Variants in ATRX observed in about 807,000 individuals in gnomAD.
ATRX encodes ATRX chromatin remodeler.
Under a neutral mutation model 172.6 loss-of-function variants are expected in ATRX, and 12 were observed. That is an observed-to-expected ratio of 0.07 (90% confidence interval 0.04 to 0.11). ATRX has a LOEUF of 0.11. Ranked by LOEUF, ATRX falls within the 10% of genes least tolerant of loss-of-function variation. The pLI, the probability that ATRX is intolerant of heterozygous loss-of-function variation, is 1.00. For synonymous variants in ATRX, 674 were observed against 594.7 expected, an observed-to-expected ratio of 1.13 and a Z score of -1.94; for missense variants, 1,368 against 1,767.4, an observed-to-expected ratio of 0.77 and a Z score of 4.05.
At chrX:77,650,877 C>A (rs782041798) in intron 15 of ATRX, among the ~76,000 whole-genome samples, 3 of 111,905 alleles carry the variant, frequency 2.7e-5, no homozygotes, top group Non-Finnish European at 5.6e-5. Context: ...CGTGAGCCAC[C>A]GCGCCAGGCC....
At chrX:77,662,427 T>C (rs183734024) in intron 12 of ATRX, among the ~76,000 whole-genome samples, 84 of 112,153 alleles carry the variant, frequency 7.5e-4, no homozygotes, top group African/African-American at 2.7e-3. Context: ...TTAATTTCAT[T>C]TTCTACCCTT....
chrX:77,518,989 C>A (rs1557040206), intron 34 of ATRX, among the ~76,000 whole-genome samples: 2 of 112,023 alleles, frequency 1.8e-5, no homozygotes, highest in East Asian at 5.6e-4. Context: ...TTGCCATATA[C>A]AACATTCAAA....
intron 18 of ATRX, 88 bp downstream of exon 18, chrX:77,633,478 C>T (rs2068204015): frequency 2.7e-6 from 3 of 1,114,502 alleles, no homozygotes; most frequent in South Asian, 2.1e-5. Context: ...GGTTAAAAAA[C>T]ATTAAAAATT....
At chrX:77,512,933 T>G (rs781892869) in intron 34 of ATRX, among the ~76,000 whole-genome samples, 86 of 109,720 alleles carry the variant, frequency 7.8e-4, no homozygotes, top group Middle Eastern at 4.8e-3. Flanking sequence ...ACTAAAAGGA[T>G]GATAGGAAGA....
intron 34 of ATRX, among the ~76,000 whole-genome samples, chrX:77,512,443 CTTGT>C (rs2062901365): frequency 8.9e-6 from 1 of 112,688 alleles, no homozygotes; most frequent in South Asian, 3.6e-4. Flanking sequence ...TTTCTCTTTG[CTTGT>C]TTGTTACTTT....
intron 22 of ATRX, among the ~76,000 whole-genome samples, chrX:77,603,331 A>T (rs1183898027): frequency 1.8e-5 from 2 of 110,406 alleles, no homozygotes; most frequent in Non-Finnish European, 1.9e-5. Context: ...GAATCTGTAG[A>T]TTGCTTTGGG....
At chrX:77,727,102 G>C (rs1557173525) in intron 1 of ATRX, among the ~76,000 whole-genome samples, 1 of 111,535 alleles carries the variant, frequency 9.0e-6, no homozygotes, top group Non-Finnish European at 1.9e-5. Context: ...CTGGTCATTA[G>C]AGAAATGCAA....
intron 2 of ATRX, among the ~76,000 whole-genome samples, chrX:77,706,236 G>A (rs782771825): frequency 1.2e-4 from 13 of 107,825 alleles, no homozygotes; most frequent in Non-Finnish European, 1.7e-4. Flanking sequence ...CTCCCACCTC[G>A]GCCTCCCAAA....
chrX:77,656,438 C>T (rs1403262838), intron 13 of ATRX, 122 bp downstream of exon 13: 1 of 539,493 alleles, frequency 1.9e-6, no homozygotes, highest in Non-Finnish European at 3.2e-6. Context: ...CAATTAGTTT[C>T]AAATCAAAAT....
At chrX:77,715,874 C>G (rs1014165578) in intron 2 of ATRX, among the ~76,000 whole-genome samples, 1 of 110,953 alleles carries the variant, frequency 9.0e-6, no homozygotes, top group Non-Finnish European at 1.9e-5. Flanking sequence ...CTATAACTCT[C>G]TTATACTTTT....
At chrX:77,626,173 G>C (rs955111842) in intron 19 of ATRX, among the ~76,000 whole-genome samples, 1 of 102,631 alleles carries the variant, frequency 9.7e-6, no homozygotes, top group Non-Finnish European at 2.0e-5. Context: ...TCTAAGTGAA[G>C]TAACTCAGGA....
intron 1 of ATRX, among the ~76,000 whole-genome samples, chrX:77,741,447 G>GT (rs2148848565): frequency 9.3e-6 from 1 of 107,758 alleles, no homozygotes; most frequent in African/African-American, 3.4e-5. Context: ...TTTTGGGGGG[G>GT]GGATTGCTTC....
intron 1 of ATRX, among the ~76,000 whole-genome samples, chrX:77,779,437 G>C (rs1557204558): frequency 4.5e-5 from 5 of 110,994 alleles, no homozygotes; most frequent in Non-Finnish European, 9.4e-5. Flanking sequence ...ACTAATAGCT[G>C]TCTGGACTGC....
chrX:77,533,060 T>C (rs1569518178), intron 30 of ATRX, among the ~76,000 whole-genome samples: 1 of 112,164 alleles, frequency 8.9e-6, no homozygotes, highest in Non-Finnish European at 1.9e-5. Flanking sequence ...CACTGATCGT[T>C]AGAGAAATGC....
intron 1 of ATRX, among the ~76,000 whole-genome samples, chrX:77,718,838 ACTCACTGAGGTCT>A (rs1344278481): frequency 9.0e-6 from 1 of 111,154 alleles, no homozygotes; most frequent in Admixed American, 9.6e-5. Context: ...CGTGACCTTG[ACTCACTGAGGTCT>A]CAAAACTCTT....
At chrX:77,766,472 T>A (rs1603333735) in intron 1 of ATRX, among the ~76,000 whole-genome samples, 1 of 102,430 alleles carries the variant, frequency 9.8e-6, no homozygotes, top group Non-Finnish European at 2.0e-5. Context: ...GACGAGGCGG[T>A]TGCCACGCAG....
chrX:77,762,137 CA>C (rs1412608745), intron 1 of ATRX, among the ~76,000 whole-genome samples: 1 of 108,617 alleles, frequency 9.2e-6, no homozygotes, highest in African/African-American at 3.4e-5. Context: ...CCCATCTCTA[CA>C]AAAAATACAA....
At chrX:77,511,060 CCT>C (rs1557036343) in intron 34 of ATRX, among the ~76,000 whole-genome samples, 3 of 112,582 alleles carry the variant, frequency 2.7e-5, no homozygotes, top group African/African-American at 9.7e-5. Context: ...GCTTGTGTCA[CCT>C]CTCCACCAGC....
At position 77,601,103 on chromosome X, in the gene ATRX, T is replaced by C. The variant is rs45442802; in HGVS notation, c.5567-539A>G. On this transcript the variant is annotated intron_variant, in intron 22 of 34. Transcript: ENST00000373344. ...CCATGGACCCTAGATTACAAACTCC[T>C]GTTATAAATAAACTTTGCTCCATGC... Among the ~76,000 whole-genome samples, 904 of 111,385 alleles carry C rather than the reference T, an allele frequency of 8.1e-3. 15 individuals are homozygous for C. The highest frequency in any genetic ancestry group is 0.028 in the African/African-American group (869 of 30,633).
Sources: gnomAD v4.1 joint callset for allele counts (sites outside exome capture counted in the v4.1 genomes callset) on GRCh38, gnomAD v4.1.1 for gene constraint, MANE v1.5 for transcripts, NCBI Gene and HGNC (gene_info 2026-07-23, HGNC 2026-07-21) for gene names.